DIDO1: variants seen among roughly 807,000 people sequenced by gnomAD.
DIDO1 encodes the protein death-inducer obliterator 1.
In DIDO1, 16 loss-of-function variants were observed where a neutral mutation model predicts 99.4. The observed-to-expected ratio is 0.16, with a 90% CI of 0.11 to 0.24. The LOEUF (loss-of-function observed/expected upper bound fraction) is 0.24. Ranked by LOEUF, DIDO1 falls within the 10% of genes least tolerant of loss-of-function variation. DIDO1 has a pLI of 1.00. For missense variants in DIDO1, 2,996 were observed against 3,014.0 expected, an observed-to-expected ratio of 0.99 and a Z score of 0.14; for synonymous variants, 1,366 against 1,239.1, an observed-to-expected ratio of 1.10 and a Z score of -2.15.
intron 1 of DIDO1, among the ~76,000 whole-genome samples, chr20:62,932,695 G>C (rs992728590): frequency 6.6e-6 from 1 of 152,178 alleles, no homozygotes; most frequent in Non-Finnish European, 1.5e-5. Context: ...ACCTCAGCAG[G>C]AGTTAAAGGT....
intron 1 of DIDO1, among the ~76,000 whole-genome samples, chr20:62,923,469 C>T (rs774792575): frequency 2.0e-4 from 31 of 152,118 alleles, no homozygotes; most frequent in South Asian, 8.3e-4. Flanking sequence ...CCACCATGCC[C>T]GGCCGGGAAT....
chr20:62,880,714 G>A lies in DIDO1; in HGVS notation c.5242C>T (p.Pro1748Ser). The A allele has an allele frequency of 6.2e-7, 1 of 1,612,716 alleles. No homozygotes were observed. The highest frequency in any genetic ancestry group is 8.5e-7 in the Non-Finnish European group (1 of 1,179,870). ...PPGQKVGGSQ[P>S]PFQGQREPGP... ...GGTTCCCGCTGACCCTGAAACGGGG[G>A]CTGAGAGCCCCCCACTTTCTGTCCT... The change falls in exon 16 of 16, where the codon CCC (proline) becomes TCC (serine). Residue 1748 changes from proline to serine, a missense_variant. By Grantham distance (74) the Pro-to-Ser change is moderately conservative. This residue lies in a region of DIDO1 where 1,562 missense variants were observed against 1,412.6 expected (regional missense o/e 1.11). Coordinates refer to ENST00000395343, the MANE Select transcript of DIDO1 (RefSeq NM_001193369.2).
Position 62,880,733 on chromosome 20 carries a change from C to A in DIDO1, c.5223G>T (p.Gln1741His), listed in dbSNP as rs760274283. ...EGTAPLPPPGQKVGGSQPPFQ... is the reference protein window; with the variant it reads ...EGTAPLPPPGHKVGGSQPPFQ... ...ACGGGGGCTGAGAGCCCCCCACTTT[C>A]TGTCCTGGTGGGGGGAGCGGGGCGG... is the stretch of plus-strand genomic sequence containing the variant. The change falls in exon 16 of 16, where the codon CAG becomes CAT. Residue 1741 changes from glutamine to histidine, a missense_variant. This residue lies in a region of DIDO1 where 1,562 missense variants were observed against 1,412.6 expected (regional missense o/e 1.11). Coordinates refer to ENST00000395343, the MANE Select transcript of DIDO1 (RefSeq NM_001193369.2). 11 of 1,612,612 alleles carry A rather than the reference C, an allele frequency of 6.8e-6. No homozygotes were observed. Among genetic ancestry groups the A allele is most frequent in the Non-Finnish European group, 9.3e-6 (11 of 1,179,896 alleles).
chr20:62,909,835 G>A lies in DIDO1; in HGVS notation c.1025C>T (p.Pro342Leu), dbSNP rs751314582. 2.5e-6 allele frequency: 4 copies of A among 1,614,180 alleles called. No individual in the cohort carries two copies. Among genetic ancestry groups the A allele is most frequent in the Non-Finnish European group, 1.7e-6 (2 of 1,180,032 alleles). The change falls in exon 4 of 16, where the codon CCT becomes CTT. Residue 342 changes from proline to leucine, a missense_variant. Pro to Leu is a moderately conservative substitution (Grantham distance 98). Transcript: ENST00000395343. ...ACAATCGGTGCCATCAGCATCTCCA[G>A]GTCTCCATTTAGCTTCCTGCTGATC... ...TADQQEAKWR[P>L]GDADGTDCTS...
rs763296120 is a variant in DIDO1, at chr20:62,880,431, A to T, written c.5525T>A (p.Phe1842Tyr). ...CCCATGGGGATCCTTGCGTTCTTCAAATTGGGATGGTGCCACTCCTCGTGG... is the reference window on the plus strand; with the variant it reads ...CCCATGGGGATCCTTGCGTTCTTCATATTGGGATGGTGCCACTCCTCGTGG... ...GGPRGVAPSQ[F>Y]EERKDPHGEK... is the part of the protein sequence containing the mutation. Residue 1842 changes from phenylalanine (F) to tyrosine (Y), a missense_variant, in exon 16 of 16, where the codon TTT becomes TAT. Around this residue, in one of 5 missense-constraint regions of DIDO1, gnomAD observed 1,562 missense variants for 1,412.6 expected, o/e 1.11. Coordinates refer to ENST00000395343, the MANE Select transcript of DIDO1 (RefSeq NM_001193369.2). The T allele has an allele frequency of 1.4e-5, 23 of 1,612,810 alleles. No individual in the cohort carries two copies. Among genetic ancestry groups the T allele is most frequent in the Non-Finnish European group, 1.9e-5 (22 of 1,180,006 alleles).
In DIDO1 at chr20:62,924,933, A is replaced by G. The variant is rs576672375; in HGVS notation, c.-200+1506T>C. ...TCCAAAACAAGAGGTATCTTATGAA[A>G]CTTGCTGAAACAAGTCTACAAGAAC... On this transcript the variant is annotated intron_variant, in intron 1 of 15. Transcript: ENST00000395343. Among the ~76,000 whole-genome samples the G allele has an allele frequency of 3.3e-5, 5 of 152,316 alleles. No individual in the cohort carries two copies. In the East Asian group the frequency reaches 9.6e-4, roughly 29 times the overall value.
rs201438374 is a variant in DIDO1 at position 62,921,657 on chromosome 20, AG to A, written c.-200+4781del. Among the ~76,000 whole-genome samples the A allele has an allele frequency of 6.8e-3, 983 of 145,050 alleles. 13 individuals carry two copies. Among genetic ancestry groups the A allele is most frequent in the Admixed American group, 0.01 (144 of 14,382 alleles). On this transcript the variant is annotated intron_variant, in intron 1 of 15. Transcript: ENST00000395343. ...ATTTTTTTTTTTTTTTTTTGGAGAC[AG>A]GGTCTCTGTCGCCCAGGCTGGAGGG...
At chr20:62,907,110 C>A (rs779339404) in intron 5 of DIDO1, 37 bp downstream of exon 5, 10 of 1,604,330 alleles carry the variant, frequency 6.2e-6, no homozygotes, top group Non-Finnish European at 8.5e-6. Flanking sequence ...CACGCCTGTG[C>A]GTCCACTGCC....
chr20:62,905,806 C>T, intron 6 of DIDO1, 81 bp downstream of exon 6: 1 of 1,613,554 alleles, frequency 6.2e-7, no homozygotes, highest in Non-Finnish European at 8.5e-7. Flanking sequence ...GCTGCAACTC[C>T]CAGTCCTGGA....
rs1455215872 is a variant in DIDO1 at position 62,881,375 on chromosome 20, C to T, written c.4581G>A (p.Ser1527=). The change falls in exon 16 of 16, where the codon TCG becomes TCA. Residue 1527 remains serine (S), a synonymous_variant. Coordinates refer to ENST00000395343, the MANE Select transcript of DIDO1 (RefSeq NM_001193369.2). This position sits in a 1 kb window ranked among gnomAD's most constrained non-coding sequence, Gnocchi z 8.3. ...SDALMSPPPK[S]SLPKAELFQQ... ...GGAACAGCTCTGCCTTGGGCAAGGA[C>T]GACTTTGGTGGTGGAGACATCAAGG... 3 of 1,606,604 alleles carry T rather than the reference C, an allele frequency of 1.9e-6. No individual in the cohort carries two copies. The highest frequency in any genetic ancestry group is 8.5e-7 in the Non-Finnish European group (1 of 1,179,848).
Position 62,894,037 on chromosome 20 carries a change from A to C in DIDO1, c.2730T>G (p.Val910=). The change falls in exon 12 of 16, where the codon GTT becomes GTG. Residue 910 remains valine (V), a synonymous_variant. Transcript: ENST00000395343. This position sits in a 1 kb window ranked among gnomAD's most constrained non-coding sequence, Gnocchi z 4.4. ...CACTTTCTAGGCCTGGCTCAGAGGCAACTTCAGGCACAGCCTCCGGCATCA... is the reference window on the plus strand; with the variant it reads ...CACTTTCTAGGCCTGGCTCAGAGGCCACTTCAGGCACAGCCTCCGGCATCA... ...DEVMPEAVPE[V]ASEPGLESAS... is the part of the protein sequence containing the mutation. 6.2e-7 allele frequency: 1 copy of C among 1,614,242 alleles called. No homozygotes were observed. The highest frequency in any genetic ancestry group is 8.5e-7 in the Non-Finnish European group (1 of 1,180,044).
At chr20:62,905,243 G>A (rs77460266) in intron 6 of DIDO1, 16,271 of 1,316,966 alleles carry the variant, frequency 0.012, 133 homozygotes, top group South Asian at 0.026. Context: ...TGTTCTAGGT[G>A]TGAACTCACT....
At position 62,880,094 on chromosome 20, in the gene DIDO1, G is replaced by A. The variant is rs1382797807; in HGVS notation, c.5862C>T (p.Asn1954=). 1 of 1,612,436 alleles carries A rather than the reference G, an allele frequency of 6.2e-7. No individual in the cohort carries two copies. The highest frequency in any genetic ancestry group is 8.5e-7 in the Non-Finnish European group (1 of 1,180,000). Residue 1954 remains asparagine (N), a synonymous_variant, in exon 16 of 16, where the codon AAC becomes AAT. Transcript: ENST00000395343. The part of the protein sequence containing the change: ...QFEGPRGQAP[N]FMPGPRGIQP... ...GAATGCCCCTGGGACCTGGCATAAA[G>A]TTAGGCGCTTGGCCTCTGGGTCCTT...
At chr20:62,915,116 C>T (rs1160501265) in intron 1 of DIDO1, among the ~76,000 whole-genome samples, 2 of 152,176 alleles carry the variant, frequency 1.3e-5, no homozygotes, top group Non-Finnish European at 2.9e-5. Flanking sequence ...CAACTGCCTT[C>T]CCTCTGTGGT....
At chr20:62,916,642 A>G (rs2065043483) in intron 1 of DIDO1, among the ~76,000 whole-genome samples, 2 of 152,236 alleles carry the variant, frequency 1.3e-5, no homozygotes. Flanking sequence ...AATTTCTGGC[A>G]TAACCGAAGA....
rs2064949942 is a variant in DIDO1 at position 62,911,831 on chromosome 20, A to G, written c.-2-217T>C. Among the ~76,000 whole-genome samples the G allele has an allele frequency of 6.6e-6, 1 of 152,264 alleles. No individual in the cohort carries two copies. Among genetic ancestry groups the G allele is most frequent in the Non-Finnish European group, 1.5e-5 (1 of 68,048 alleles). ...ATATAGTTAAACAACTAACGTTTAG[A>G]CAAAAATACAGCTAACAAATCAAAT... On this transcript the variant is annotated intron_variant, in intron 2 of 15. Transcript: ENST00000395343. The surrounding 1 kb of genome is among the most constrained non-coding windows in gnomAD (Gnocchi z 7.0).
At position 62,881,229 on chromosome 20, in the gene DIDO1, T is replaced by C. The variant is rs1293631293; in HGVS notation, c.4727A>G (p.Glu1576Gly). The C allele has an allele frequency of 1.2e-6, 2 of 1,600,548 alleles. No individual in the cohort carries two copies. Among genetic ancestry groups the C allele is most frequent in the East Asian group, 4.5e-5 (2 of 44,764 alleles). ...LATETGEGEG[E>G]PLSRLSARGA... The stretch of plus-strand genomic sequence containing the variant: ...ACGTGCCGAGAGCCTGGAGAGAGGC[T>C]CCCCCTCCCCCTCACCGGTCTCAGT... The change falls in exon 16 of 16, where the codon GAG becomes GGG. Residue 1576 changes from glutamate to glycine, a missense_variant. Around this residue, in one of 5 missense-constraint regions of DIDO1, gnomAD observed 1,562 missense variants for 1,412.6 expected, o/e 1.11. Transcript: ENST00000395343. This position sits in a 1 kb window ranked among gnomAD's most constrained non-coding sequence, Gnocchi z 8.3.
At chr20:62,934,392 C>T (rs151070568) in intron 1 of DIDO1, among the ~76,000 whole-genome samples, 253 of 152,292 alleles carry the variant, frequency 1.7e-3, no homozygotes, top group African/African-American at 5.8e-3. Flanking sequence ...TCAAAACCTA[C>T]CTAACACATG....
intron 1 of DIDO1, among the ~76,000 whole-genome samples, chr20:62,926,023 G>C (rs967035582): frequency 6.6e-6 from 1 of 152,086 alleles, no homozygotes; most frequent in Admixed American, 6.5e-5. Context: ...GAATGCCTAG[G>C]GAAACCAGCT....
Sources: allele counts gnomAD v4.1 joint callset (sites outside exome capture counted in the v4.1 genomes callset), GRCh38; gene constraint gnomAD v4.1.1; regional missense constraint gnomAD v4.1.1; non-coding constraint Gnocchi (gnomAD v3.1); transcripts MANE v1.5; gene names NCBI Gene and HGNC (gene_info 2026-07-23, HGNC 2026-07-21).